Variants in NPHS2 observed in about 807,000 individuals in gnomAD.
NPHS2 encodes NPHS2 stomatin family member, podocin.
Under a neutral mutation model 37.1 loss-of-function variants are expected in NPHS2, and 36 were observed. The ratio of observed to expected loss-of-function variants is 0.97; its 90% confidence interval spans 0.74 to 1.28. NPHS2 has a LOEUF of 1.28. Ranked by LOEUF, NPHS2 falls within the 50% of genes most tolerant of loss-of-function variation. NPHS2 has a pLI of 0.00. For synonymous variants in NPHS2, 196 were observed against 189.3 expected (o/e 1.04, Z -0.29); for missense variants, 447 against 488.1 (o/e 0.92, Z 0.79).
rs561206547 is a variant in NPHS2 at position 179,573,833 on chromosome 1, C to A, written c.274+1758G>T. 2.6e-4 allele frequency among the ~76,000 whole-genome samples: 40 copies of A among 152,198 alleles called. No individual in the cohort carries two copies. In the South Asian group the frequency reaches 7.9e-3, roughly 30 times the overall value. On this transcript the variant is annotated intron_variant, in intron 1 of 7. Coordinates refer to ENST00000367615, the MANE Select transcript of NPHS2 (RefSeq NM_014625.4). ...CCTCAAACCTAACGTGAAGATTTACCCCCAAAATATTATTCTGTTAGAATA... is the reference window on the plus strand; with the variant it reads ...CCTCAAACCTAACGTGAAGATTTACACCCAAAATATTATTCTGTTAGAATA...
Position 179,556,712 on chromosome 1 carries a change from A to G in NPHS2, c.738+315T>C, listed in dbSNP as rs1673945771. Among the ~76,000 whole-genome samples, 1 of 152,112 alleles carries G rather than the reference A, an allele frequency of 6.6e-6. No individual in the cohort carries two copies. The highest frequency in any genetic ancestry group is 2.4e-5 in the African/African-American group (1 of 41,424). On this transcript the variant is annotated intron_variant, in intron 5 of 7. Transcript: ENST00000367615. This position sits in a 1 kb window ranked among gnomAD's most constrained non-coding sequence, Gnocchi z 4.1. ...CTTTGTGTACCAACCCCTCCTGTCC[A>G]TCCCCACCAACCCCACCGTTCCTGC... is the stretch of plus-strand genomic sequence containing the variant.
chr1:179,566,936 G>A (rs545938273), intron 1 of NPHS2, among the ~76,000 whole-genome samples: 122 of 152,254 alleles, frequency 8.0e-4, no homozygotes, highest in African/African-American at 2.0e-3. Flanking sequence ...CTCTGTTTTG[G>A]TAGCAATACC....
chr1:179,555,890 A>G (rs1194414586), intron 5 of NPHS2, among the ~76,000 whole-genome samples: 1 of 152,206 alleles, frequency 6.6e-6, no homozygotes, highest in African/African-American at 2.4e-5. Context: ...TGGATAAAAC[A>G]TAGCCCCTGC....
rs1361560935 is a variant in NPHS2 at position 179,556,255 on chromosome 1, C to T, written c.738+772G>A. ...GGTCCTCCTTCCAACTACCATGGTT[C>T]ACAACCTCCTAACCCAGTTCTGGGC... On this transcript the variant is annotated intron_variant, in intron 5 of 7. Coordinates refer to ENST00000367615, the MANE Select transcript of NPHS2 (RefSeq NM_014625.4). This position sits in a 1 kb window ranked among gnomAD's most constrained non-coding sequence, Gnocchi z 4.1. Among the ~76,000 whole-genome samples the T allele has an allele frequency of 6.6e-6, 1 of 152,212 alleles. No individual in the cohort carries two copies. Among genetic ancestry groups the T allele is most frequent in the Non-Finnish European group, 1.5e-5 (1 of 68,040 alleles).
rs1046837663 is a variant in NPHS2, at chr1:179,562,765, C to T, written c.379-1404G>A. 2.6e-5 allele frequency among the ~76,000 whole-genome samples: 4 copies of T among 152,184 alleles called. No individual in the cohort carries two copies. The South Asian group carries it at 8.3e-4, about 31-fold the overall frequency. ...GACTGTATGTGGTTCTTAGAGCATG[C>T]CAAGCAATTCCCAATTGCTTGGTTT... On this transcript the variant is annotated intron_variant, in intron 2 of 7. Transcript: ENST00000367615.
rs374023323 is a variant in NPHS2 at position 179,572,789 on chromosome 1, T to C, written c.274+2802A>G. Among the ~76,000 whole-genome samples, 22 of 151,116 alleles carry C rather than the reference T, an allele frequency of 1.5e-4. 1 individual carries two copies. The highest frequency in any genetic ancestry group is 6.6e-4 in the Admixed American group (10 of 15,190). ...TTCCTTCCTTCCCTTCCTCCCTCCT[T>C]CCCTCCCTCCTTCCCTTCTTTCTTT... On this transcript the variant is annotated intron_variant, in intron 1 of 7. Transcript: ENST00000367615.
At chr1:179,561,441 G>A (rs1674134938) in intron 2 of NPHS2, 80 bp from the exon 3 acceptor site, 1 of 1,088,278 alleles carries the variant, frequency 9.2e-7, no homozygotes, top group Non-Finnish European at 1.4e-6. Context: ...AATGATCCTA[G>A]ATATCAGAAA....
chr1:179,573,823 G>A (rs1253840182), intron 1 of NPHS2, among the ~76,000 whole-genome samples: 1 of 152,158 alleles, frequency 6.6e-6, no homozygotes, highest in Non-Finnish European at 1.5e-5. Context: ...AACCTAACGT[G>A]AAGATTTACC....
intron 4 of NPHS2, among the ~76,000 whole-genome samples, chr1:179,557,625 C>A (rs1308763028): frequency 2.0e-5 from 3 of 152,166 alleles, no homozygotes; most frequent in African/African-American, 7.2e-5. Flanking sequence ...TGATATACAT[C>A]ATAAGCCCTA....
At chr1:179,568,152 G>T (rs1263074669) in intron 1 of NPHS2, among the ~76,000 whole-genome samples, 1 of 152,130 alleles carries the variant, frequency 6.6e-6, no homozygotes, top group Non-Finnish European at 1.5e-5. Context: ...TTGTACCTCT[G>T]GTAGGATTCG....
At chr1:179,560,232 G>C (rs192209873) in intron 3 of NPHS2, among the ~76,000 whole-genome samples, 1 of 152,244 alleles carries the variant, frequency 6.6e-6, no homozygotes, top group Non-Finnish European at 1.5e-5. Context: ...GAAGTAATCA[G>C]AATAGCAATT....
chr1:179,557,235 G>A lies in NPHS2; in HGVS notation c.535-5C>T, dbSNP rs1265728339. 1.2e-6 allele frequency: 2 copies of A among 1,613,400 alleles called. No homozygotes were observed. The highest frequency in any genetic ancestry group is 4.5e-5 in the East Asian group (2 of 44,864). On this transcript the variant is annotated splice_polypyrimidine_tract_variant and splice_region_variant and intron_variant, in intron 4 of 7. Transcript: ENST00000367615. ...AAACATGTCTTTGGTCACGATCTAG[G>A]CAGAAAAAAGTTTGGATGACAGGCT...
Position 179,551,203 on chromosome 1 carries a change from A to T in NPHS2, c.1122T>A (p.Asn374Lys), listed in dbSNP as rs1673208020. 2 of 1,613,940 alleles carry T rather than the reference A, an allele frequency of 1.2e-6. No homozygotes were observed. The change falls in exon 8 of 8, where the codon AAT becomes AAA. Residue 374 changes from asparagine (N) to lysine (K), a missense_variant. Physicochemically the swap from Asn to Lys is moderately conservative, Grantham distance 94. Coordinates refer to ENST00000367615, the MANE Select transcript of NPHS2 (RefSeq NM_014625.4). ...ACATGGGAGAGTCTTTCTTTTTAGGATTTAGTGGCTCAACAGGTTTGGAAG... is the reference window on the plus strand; with the variant it reads ...ACATGGGAGAGTCTTTCTTTTTAGGTTTTAGTGGCTCAACAGGTTTGGAAG... ...PSPSKPVEPLNPKKKDSPML is the reference protein window; with the variant it reads ...PSPSKPVEPLKPKKKDSPML
chr1:179,562,129 A>G (rs954586075), intron 2 of NPHS2, among the ~76,000 whole-genome samples: 5 of 152,170 alleles, frequency 3.3e-5, no homozygotes, highest in African/African-American at 1.2e-4. Flanking sequence ...TAATTTGCCA[A>G]TTTTCACTGG....
intron 4 of NPHS2, among the ~76,000 whole-genome samples, chr1:179,558,974 T>G (rs901568845): frequency 6.6e-6 from 1 of 152,144 alleles, no homozygotes; most frequent in African/African-American, 2.4e-5. Context: ...TGTGTGTGTT[T>G]AGGTTTCATC....
Position 179,554,534 on chromosome 1 carries a change from G to A in NPHS2, c.739-3C>T, listed in dbSNP as rs1383739910. The A allele has an allele frequency of 4.3e-6, 7 of 1,614,162 alleles. No homozygotes were observed. The highest frequency in any genetic ancestry group is 5.1e-6 in the Non-Finnish European group (6 of 1,180,012). On this transcript the variant is annotated splice_region_variant and splice_polypyrimidine_tract_variant and intron_variant, in intron 5 of 7. Coordinates refer to ENST00000367615, the MANE Select transcript of NPHS2 (RefSeq NM_014625.4). Reference sequence around the variant, plus strand: ...CAGGTCACTGAATCCAAGGCAACCTGTGGAAAGAAGAATTCAGATGTCAGT... The same window carrying A: ...CAGGTCACTGAATCCAAGGCAACCTATGGAAAGAAGAATTCAGATGTCAGT...
chr1:179,552,201 A>G, intron 7 of NPHS2: 1 of 248,634 alleles, frequency 4.0e-6, no homozygotes, highest in South Asian at 5.8e-5. Context: ...CTGGGCCCTG[A>G]TCGTGGTTGT....
intron 2 of NPHS2, among the ~76,000 whole-genome samples, chr1:179,561,590 T>G (rs1405055887): frequency 6.6e-6 from 1 of 152,218 alleles, no homozygotes; most frequent in Admixed American, 6.5e-5. Flanking sequence ...GAATTTTGAT[T>G]AAAGACTTAT....
intron 2 of NPHS2, 139 bp from the exon 3 acceptor site, chr1:179,561,500 C>G (rs1456864422): frequency 3.5e-5 from 23 of 659,992 alleles, no homozygotes; most frequent in Admixed American, 1.1e-4. Flanking sequence ...ACTTAAGTTT[C>G]CAAAATCTAT....
Sources: gnomAD v4.1 joint callset for allele counts (sites outside exome capture counted in the v4.1 genomes callset) on GRCh38, gnomAD v4.1.1 for gene constraint, Gnocchi (gnomAD v3.1) non-coding constraint, MANE v1.5 for transcripts, NCBI Gene and HGNC (gene_info 2026-07-23, HGNC 2026-07-21) for gene names.